FSTL4: variants seen among roughly 807,000 people sequenced by gnomAD.
The protein encoded by FSTL4 is follistatin-related protein 4.
FSTL4 carries 28 observed loss-of-function variants against 78.2 expected under a neutral mutation model. That is an observed-to-expected ratio of 0.36 (90% CI 0.27 to 0.49). The LOEUF (loss-of-function observed/expected upper bound fraction) is 0.49. Among genes scored for constraint, FSTL4 ranks in the 20% least tolerant of loss-of-function variants. The pLI is 0.98. For missense variants in FSTL4, 922 were observed against 1,084.9 expected (o/e 0.85, Z 2.11); for synonymous variants, 422 against 440.5 (o/e 0.96, Z 0.53).
At chr5:133,555,717 G>T (rs1759772194) in intron 3 of FSTL4, among the ~76,000 whole-genome samples, 1 of 152,152 alleles carries the variant, frequency 6.6e-6, no homozygotes, top group Non-Finnish European at 1.5e-5. Flanking sequence ...ATTTTCCGCT[G>T]AAGTTTCTGA....
chr5:133,839,646 G>A, the FSTL4 span, among the ~76,000 whole-genome samples: 2 of 152,132 alleles, frequency 1.3e-5, no homozygotes, highest in Admixed American at 6.5e-5. Flanking sequence ...TTGCTCTTGC[G>A]GGACTGTGGA....
At chr5:133,708,508 C>T in the FSTL4 span, among the ~76,000 whole-genome samples, 4 of 152,298 alleles carry the variant, frequency 2.6e-5, no homozygotes, top group African/African-American at 9.6e-5. Context: ...GCCACTGGAC[C>T]TGACCGTTCC....
At chr5:133,358,113 C>T (rs999414202) in intron 4 of FSTL4, among the ~76,000 whole-genome samples, 11 of 152,312 alleles carry the variant, frequency 7.2e-5, no homozygotes, top group Non-Finnish European at 1.5e-4. Flanking sequence ...CTCATTTCAG[C>T]GCAGCATCCT....
At chr5:133,607,664 T>C (rs1043652406) in intron 1 of FSTL4, among the ~76,000 whole-genome samples, 44 of 152,338 alleles carry the variant, frequency 2.9e-4, no homozygotes, top group Middle Eastern at 3.4e-3. Context: ...TGATAAACAG[T>C]TGTTTTTAGT....
At chr5:133,816,546 C>T in the FSTL4 span, among the ~76,000 whole-genome samples, 1 of 152,178 alleles carries the variant, frequency 6.6e-6, no homozygotes, top group Non-Finnish European at 1.5e-5. Flanking sequence ...GCTCCCAGGC[C>T]CTGCAACTCC....
chr5:133,801,315 C>T, the FSTL4 span, among the ~76,000 whole-genome samples: 2 of 152,146 alleles, frequency 1.3e-5, no homozygotes, highest in African/African-American at 4.8e-5. Flanking sequence ...GTGTTTATTT[C>T]CTCCCAATCA....
chr5:133,233,073 A>G (rs1751542032), intron 8 of FSTL4, among the ~76,000 whole-genome samples: 1 of 152,240 alleles, frequency 6.6e-6, no homozygotes. Flanking sequence ...CACTAGACCC[A>G]GAGGCCACAG....
At chr5:133,496,595 G>A (rs376808784) in intron 3 of FSTL4, among the ~76,000 whole-genome samples, 13 of 152,150 alleles carry the variant, frequency 8.5e-5, no homozygotes, top group Middle Eastern at 3.2e-3. Flanking sequence ...ATTCCCTGAC[G>A]TGGTATCTCT....
At chr5:133,657,718 T>C in the FSTL4 span, among the ~76,000 whole-genome samples, 1 of 151,998 alleles carries the variant, frequency 6.6e-6, no homozygotes, top group Non-Finnish European at 1.5e-5. Context: ...CAACACTATT[T>C]TAAGATCTAT....
chr5:133,417,958 TAAA>T (rs527415337), intron 3 of FSTL4, among the ~76,000 whole-genome samples: 2 of 51,126 alleles, frequency 3.9e-5, no homozygotes, highest in Non-Finnish European at 6.9e-5. Context: ...GACTCCATCT[TAAA>T]AAAAAAAAAA....
At chr5:133,639,231 A>T in the FSTL4 span, among the ~76,000 whole-genome samples, 3 of 151,766 alleles carry the variant, frequency 2.0e-5, no homozygotes, top group African/African-American at 7.3e-5. Context: ...ACATTTTCTC[A>T]CTCATAAGTC....
intron 3 of FSTL4, among the ~76,000 whole-genome samples, chr5:133,419,530 C>T (rs919873900): frequency 1.4e-4 from 21 of 152,152 alleles, no homozygotes; most frequent in African/African-American, 3.6e-4. Flanking sequence ...TTTACAATTT[C>T]GAATAAGGCT....
intron 3 of FSTL4, among the ~76,000 whole-genome samples, chr5:133,516,033 C>T (rs1472094687): frequency 2.6e-5 from 4 of 151,752 alleles, no homozygotes; most frequent in South Asian, 2.1e-4. Context: ...TCAAACCTAG[C>T]GCTATTTTTT....
At chr5:133,279,085 G>A (rs1295231262) in intron 6 of FSTL4, among the ~76,000 whole-genome samples, 1 of 152,224 alleles carries the variant, frequency 6.6e-6, no homozygotes, top group African/African-American at 2.4e-5. Flanking sequence ...GCAAAAGAAT[G>A]TCAGTTTCTA....
At chr5:133,221,919 T>TG (rs1751143813) in intron 11 of FSTL4, among the ~76,000 whole-genome samples, 1 of 133,362 alleles carries the variant, frequency 7.5e-6, no homozygotes, top group Non-Finnish European at 1.6e-5. Context: ...TTTTTTTTTT[T>TG]TTTTTTTTAG....
chr5:133,564,322 A>G (rs1759981563), intron 3 of FSTL4, among the ~76,000 whole-genome samples: 1 of 152,190 alleles, frequency 6.6e-6, no homozygotes. Context: ...CCATAATACT[A>G]AGCTTACTTG....
chr5:133,423,652 G>A (rs1346932572), intron 3 of FSTL4, among the ~76,000 whole-genome samples: 2 of 152,232 alleles, frequency 1.3e-5, no homozygotes, highest in Non-Finnish European at 2.9e-5. Context: ...GGCAATGGTA[G>A]TGGTGACGGC....
chr5:133,778,320 G>A, the FSTL4 span, among the ~76,000 whole-genome samples: 4 of 151,212 alleles, frequency 2.6e-5, no homozygotes, highest in African/African-American at 7.3e-5. Context: ...TTTGCCTCAC[G>A]CAGAAAGGAG....
At chr5:133,329,822 T>C (rs1443129950) in intron 4 of FSTL4, among the ~76,000 whole-genome samples, 1 of 152,166 alleles carries the variant, frequency 6.6e-6, no homozygotes. Context: ...ACACCTGGCA[T>C]CTCATCTGAA....
Sources: gnomAD v4.1 joint callset for allele counts (sites outside exome capture counted in the v4.1 genomes callset) on GRCh38, gnomAD v4.1.1 for gene constraint, MANE v1.5 for transcripts, NCBI Gene and HGNC (gene_info 2026-07-23, HGNC 2026-07-21) for gene names.